Variants in KIAA0232 observed in about 807,000 individuals in gnomAD.
KIAA0232 encodes the protein uncharacterized protein KIAA0232.
A neutral mutation model predicts 122.0 loss-of-function variants in KIAA0232; 27 were observed. That is an observed-to-expected ratio of 0.22 (90% CI 0.16 to 0.31). The LOEUF (loss-of-function observed/expected upper bound fraction) is 0.31. Among genes scored for constraint, KIAA0232 ranks in the 10% least tolerant of loss-of-function variants. KIAA0232 has a pLI of 1.00. For missense variants in KIAA0232, 1,551 were observed against 1,634.2 expected, an observed-to-expected ratio of 0.95 and a Z score of 0.88; for synonymous variants, 613 against 587.6, an observed-to-expected ratio of 1.04 and a Z score of -0.63.
In KIAA0232 at chr4:6,861,994, C is replaced by G. The variant is rs753266722; in HGVS notation, c.1612C>G (p.Arg538Gly). The G allele has an allele frequency of 2.5e-6, 4 of 1,614,016 alleles. No individual in the cohort carries two copies. Among genetic ancestry groups the G allele is most frequent in the Non-Finnish European group, 3.4e-6 (4 of 1,179,996 alleles). The change falls in exon 7 of 10, where the codon CGA (arginine) becomes GGA (glycine). Residue 538 changes from arginine (R) to glycine (G), a missense_variant. Around this residue, in one of 5 missense-constraint regions of KIAA0232, gnomAD observed 1,108 missense variants for 1,154.8 expected, o/e 0.96. Coordinates refer to ENST00000307659, the MANE Select transcript of KIAA0232 (RefSeq NM_014743.3). ...QGESRILNMIRQKSKENTDFE... is the reference protein window; with the variant it reads ...QGESRILNMIGQKSKENTDFE... ...AGAAAGTCGGATTTTGAATATGATT[C>G]GACAGAAAAGCAAAGAGAACACAGA...
chr4:6,866,119 ATC>A, intron 7 of KIAA0232: 1 of 449,884 alleles, frequency 2.2e-6, no homozygotes, highest in Non-Finnish European at 2.9e-6. Flanking sequence ...GTTAGCCTTT[ATC>A]TGTTTGTTTA....
chr4:6,800,210 A>T (rs1294862417), intron 1 of KIAA0232, among the ~76,000 whole-genome samples: 2 of 148,090 alleles, frequency 1.4e-5, no homozygotes, highest in Non-Finnish European at 3.0e-5. Flanking sequence ...GGTGCCCGCC[A>T]CCATGCTTGG....
chr4:6,866,519 G>A (rs1005979208), intron 7 of KIAA0232, among the ~76,000 whole-genome samples: 2 of 152,192 alleles, frequency 1.3e-5, no homozygotes, highest in African/African-American at 2.4e-5. Flanking sequence ...GTATCTTTCT[G>A]TTCTGTCACA....
intron 1 of KIAA0232, among the ~76,000 whole-genome samples, chr4:6,802,068 G>A (rs553108156): frequency 4.9e-4 from 75 of 152,242 alleles, no homozygotes; most frequent in African/African-American, 1.6e-3. Flanking sequence ...TGGGAAGGCG[G>A]GTACTTTGGG....
chr4:6,806,737 C>CAA (rs34146483), intron 2 of KIAA0232, among the ~76,000 whole-genome samples: 22 of 47,666 alleles, frequency 4.6e-4, no homozygotes, highest in South Asian at 3.9e-3. Context: ...GACTCCCTCT[C>CAA]AAAAAAAAAA....
chr4:6,825,461 G>T (rs1279894836), intron 3 of KIAA0232, among the ~76,000 whole-genome samples: 1 of 152,126 alleles, frequency 6.6e-6, no homozygotes, highest in Non-Finnish European at 1.5e-5. Flanking sequence ...AGGCTGAGGT[G>T]GGAGGATCAC....
intron 8 of KIAA0232, among the ~76,000 whole-genome samples, chr4:6,875,601 T>G (rs1247128394): frequency 6.6e-6 from 1 of 152,202 alleles, no homozygotes; most frequent in Non-Finnish European, 1.5e-5. Context: ...AGTCACTTGC[T>G]CCAGCCTTGT....
At chr4:6,806,182 G>T (rs1368428505) in intron 2 of KIAA0232, among the ~76,000 whole-genome samples, 6 of 152,064 alleles carry the variant, frequency 3.9e-5, no homozygotes, top group Admixed American at 2.0e-4. Flanking sequence ...CATAAAAACT[G>T]CCATTTTGTA....
intron 2 of KIAA0232, among the ~76,000 whole-genome samples, chr4:6,808,802 T>C (rs936396107): frequency 1.3e-5 from 2 of 152,208 alleles, no homozygotes; most frequent in Non-Finnish European, 2.9e-5. Flanking sequence ...TCAGAATTTA[T>C]TCTCCTCCAT....
intron 7 of KIAA0232, among the ~76,000 whole-genome samples, chr4:6,868,220 C>G (rs908194052): frequency 6.6e-6 from 1 of 152,196 alleles, no homozygotes; most frequent in African/African-American, 2.4e-5. Context: ...TTGCTAAAAA[C>G]ATTTCTGGTT....
chr4:6,831,693 C>T (rs931063878), intron 3 of KIAA0232, among the ~76,000 whole-genome samples: 3 of 152,206 alleles, frequency 2.0e-5, no homozygotes, highest in African/African-American at 4.8e-5. Context: ...AGAAGCCCCC[C>T]TCGTGTCCCA....
intron 3 of KIAA0232, among the ~76,000 whole-genome samples, chr4:6,828,097 G>A (rs1018568592): frequency 3.3e-5 from 5 of 152,038 alleles, no homozygotes; most frequent in South Asian, 4.1e-4. Context: ...TTTCATTATC[G>A]TTACTGGAAT....
chr4:6,796,839 T>C (rs557064760), intron 1 of KIAA0232, among the ~76,000 whole-genome samples: 2 of 152,232 alleles, frequency 1.3e-5, no homozygotes, highest in East Asian at 3.8e-4. Context: ...TGGCCTTAGC[T>C]ACCGTGATGG....
chr4:6,783,233 G>C (rs972663483), intron 1 of KIAA0232, among the ~76,000 whole-genome samples: 2 of 152,196 alleles, frequency 1.3e-5, no homozygotes, highest in Admixed American at 1.3e-4. Context: ...GGTGGTGCCC[G>C]GGCGTGCGGG....
intron 3 of KIAA0232, among the ~76,000 whole-genome samples, chr4:6,839,571 AG>A (rs1467810530): frequency 6.6e-6 from 1 of 152,212 alleles, no homozygotes; most frequent in Non-Finnish European, 1.5e-5. Flanking sequence ...GGAAGAATAA[AG>A]GAATAGTGTG....
intron 4 of KIAA0232, among the ~76,000 whole-genome samples, chr4:6,845,861 G>T (rs1026247448): frequency 6.6e-6 from 1 of 152,176 alleles, no homozygotes; most frequent in African/African-American, 2.4e-5. Context: ...CCCTTCTCCT[G>T]TAGCTTGTTG....
chr4:6,792,277 ATG>A (rs1716930349), intron 1 of KIAA0232, among the ~76,000 whole-genome samples: 1 of 152,204 alleles, frequency 6.6e-6, no homozygotes, highest in African/African-American at 2.4e-5. Context: ...ACTAGTTGAT[ATG>A]AAGAGTTTCC....
chr4:6,871,966 C>T (rs1041627658), intron 8 of KIAA0232, among the ~76,000 whole-genome samples: 9 of 152,132 alleles, frequency 5.9e-5, no homozygotes, highest in Admixed American at 2.0e-4. Context: ...GAGGAAACAG[C>T]GGGCAGTCCC....
Position 6,861,378 on chromosome 4 carries a change from C to T in KIAA0232, c.996C>T (p.Ser332=). The T allele has an allele frequency of 6.2e-7, 1 of 1,614,142 alleles. No homozygotes were observed. Among genetic ancestry groups the T allele is most frequent in the Non-Finnish European group, 8.5e-7 (1 of 1,180,030 alleles). The stretch of plus-strand genomic sequence containing the variant: ...ACAAAAAAGGGCGGAATGGGCAAAG[C>T]AGGCTTTCTTTGAAGCACGGTGAAA... ...IRNKKGRNGQ[S]RLSLKHGEKA... Residue 332 remains serine, a synonymous_variant, in exon 7 of 10, where the codon AGC becomes AGT. Transcript: ENST00000307659.
Sources: allele counts gnomAD v4.1 joint callset (sites outside exome capture counted in the v4.1 genomes callset), GRCh38; gene constraint gnomAD v4.1.1; regional missense constraint gnomAD v4.1.1; transcripts MANE v1.5; gene names NCBI Gene and HGNC (gene_info 2026-07-23, HGNC 2026-07-21).